NAT1: variants seen among roughly 807,000 people sequenced by gnomAD.
NAT1 encodes the protein arylamine N-acetyltransferase 1.
For missense variants in NAT1, 400 were observed against 339.2 expected (o/e 1.18, Z -1.41); for synonymous variants, 144 against 122.6 (o/e 1.17, Z -1.16).
At chr8:18,203,829 C>T (rs541123876) in intron 2 of NAT1, among the ~76,000 whole-genome samples, 3 of 152,258 alleles carry the variant, frequency 2.0e-5, no homozygotes, top group Admixed American at 6.5e-5. Flanking sequence ...AGCCCCAAAT[C>T]GTTTTCTAAC....
At chr8:18,185,836 A>T (rs1232421081) in intron 2 of NAT1, among the ~76,000 whole-genome samples, 1 of 152,086 alleles carries the variant, frequency 6.6e-6, no homozygotes, top group East Asian at 1.9e-4. Context: ...TGTCCCCAAA[A>T]TTTGATATGT....
chr8:18,186,229 A>G (rs566664853), intron 2 of NAT1, among the ~76,000 whole-genome samples: 1 of 152,170 alleles, frequency 6.6e-6, no homozygotes, highest in Non-Finnish European at 1.5e-5. Flanking sequence ...TTATGATTAT[A>G]GGTTTGTCTA....
At chr8:18,218,223 T>A (rs1398556651) in intron 1 of NAT1, among the ~76,000 whole-genome samples, 1 of 152,214 alleles carries the variant, frequency 6.6e-6, no homozygotes, top group Non-Finnish European at 1.5e-5. Flanking sequence ...TTGTGGTACG[T>A]TGTCAGGACA....
At chr8:18,189,207 A>C (rs1278313249) in intron 2 of NAT1, among the ~76,000 whole-genome samples, 1 of 152,056 alleles carries the variant, frequency 6.6e-6, no homozygotes, top group African/African-American at 2.4e-5. Flanking sequence ...AGGATTTCAA[A>C]CTTGAAAAAC....
At chr8:18,188,017 C>T (rs2117245475) in intron 2 of NAT1, among the ~76,000 whole-genome samples, 1 of 150,850 alleles carries the variant, frequency 6.6e-6, no homozygotes, top group African/African-American at 2.4e-5. Flanking sequence ...TGTTTTGTGG[C>T]TCCATTTTTA....
chr8:18,193,468 T>G (rs920016267), intron 2 of NAT1, among the ~76,000 whole-genome samples: 1 of 142,616 alleles, frequency 7.0e-6, no homozygotes, highest in African/African-American at 2.6e-5. Context: ...AAAAAAAAAT[T>G]TATATATATA....
intron 2 of NAT1, 100 bp from the exon 3 acceptor site, chr8:18,221,942 C>G: frequency 8.2e-7 from 1 of 1,214,666 alleles, no homozygotes; most frequent in Non-Finnish European, 1.2e-6. Context: ...TACTTATAAC[C>G]ATTGTATTTT....
intron 1 of NAT1, among the ~76,000 whole-genome samples, chr8:18,213,670 A>G (rs998059393): frequency 6.6e-6 from 1 of 152,166 alleles, no homozygotes; most frequent in African/African-American, 2.4e-5. Context: ...TGCCTGGCTC[A>G]TGAATTGCTA....
At chr8:18,198,083 A>G (rs556622490) in intron 2 of NAT1, among the ~76,000 whole-genome samples, 2 of 152,316 alleles carry the variant, frequency 1.3e-5, no homozygotes, top group South Asian at 4.1e-4. Context: ...CATGCCTTAT[A>G]GAACTTCTAG....
chr8:18,209,977 C>A (rs1174336234), upstream of NAT1: 1 of 152,074 alleles, frequency 6.6e-6, no homozygotes, highest in Admixed American at 6.6e-5. Context: ...ATAAGGGGTC[C>A]ACAGGAGCAA....
upstream of NAT1, among the ~76,000 whole-genome samples, chr8:18,206,241 G>A (rs1803714667): frequency 1.3e-5 from 2 of 152,188 alleles, no homozygotes; most frequent in Non-Finnish European, 2.9e-5. Flanking sequence ...GACAACACCA[G>A]GTATGCAGCA....
intron 2 of NAT1, 97 bp from the exon 3 acceptor site, chr8:18,221,945 T>TG: frequency 8.0e-7 from 1 of 1,252,330 alleles, no homozygotes; most frequent in Non-Finnish European, 1.1e-6. Flanking sequence ...TTATAACCAT[T>TG]GTATTTTTAC....
chr8:18,185,475 C>T (rs1802696223), intron 2 of NAT1, among the ~76,000 whole-genome samples: 1 of 152,042 alleles, frequency 6.6e-6, no homozygotes, highest in Non-Finnish European at 1.5e-5. Context: ...TTTTTTACTG[C>T]TTCTGAGTCT....
chr8:18,198,557 T>C (rs1394536459), intron 2 of NAT1, among the ~76,000 whole-genome samples: 1 of 152,244 alleles, frequency 6.6e-6, no homozygotes, highest in East Asian at 1.9e-4. Context: ...ATCGAACTTG[T>C]GTCAGTTAAG....
chr8:18,200,810 C>T (rs947371024), intron 2 of NAT1: 1 of 151,888 alleles, frequency 6.6e-6, no homozygotes, highest in Non-Finnish European at 1.5e-5. Context: ...GGATCCAGCC[C>T]CATTCACCTA....
chr8:18,218,356 C>T (rs1418598658), intron 1 of NAT1, among the ~76,000 whole-genome samples: 1 of 152,094 alleles, frequency 6.6e-6, no homozygotes, highest in Non-Finnish European at 1.5e-5. Flanking sequence ...TTGACAGGGG[C>T]CCCAGGGCAT....
At chr8:18,174,994 G>A (rs1802234460) in intron 2 of NAT1, among the ~76,000 whole-genome samples, 1 of 151,902 alleles carries the variant, frequency 6.6e-6, no homozygotes, top group South Asian at 2.1e-4. Context: ...TTATATTCCT[G>A]CTGCCTGGTT....
intron 2 of NAT1, among the ~76,000 whole-genome samples, chr8:18,179,443 C>G (rs1291983423): frequency 6.6e-6 from 1 of 152,114 alleles, no homozygotes; most frequent in Non-Finnish European, 1.5e-5. Context: ...TTTTGAAGCA[C>G]CAGCCTGGAA....
upstream of NAT1, chr8:18,209,739 GT>G: frequency 1.3e-5 from 2 of 152,168 alleles, no homozygotes; most frequent in African/African-American, 4.8e-5. Flanking sequence ...TAAACTTGGA[GT>G]GTGATTAAAG....
Sources: allele counts gnomAD v4.1 joint callset (sites outside exome capture counted in the v4.1 genomes callset), GRCh38; gene constraint gnomAD v4.1.1; transcripts MANE v1.5; gene names NCBI Gene and HGNC (gene_info 2026-07-23, HGNC 2026-07-21).